SLC44A5: variants seen among roughly 807,000 people sequenced by gnomAD.
SLC44A5 encodes the protein choline transporter-like protein 5.
In SLC44A5, 57 loss-of-function variants were observed where a neutral mutation model predicts 101.8. The ratio of observed to expected loss-of-function variants is 0.56; its 90% CI spans 0.45 to 0.70. The LOEUF (loss-of-function observed/expected upper bound fraction) is 0.70, where lower values mean the gene tolerates loss of function less well. SLC44A5 is among the 30% of genes least tolerant of loss of function. SLC44A5 has a pLI of 0.00. For synonymous variants in SLC44A5, 281 were observed against 290.9 expected (o/e 0.97, Z 0.35); for missense variants, 737 against 853.1 (o/e 0.86, Z 1.70).
At chr1:75,560,579 G>C (rs1296747392) in intron 1 of SLC44A5, among the ~76,000 whole-genome samples, 1 of 152,110 alleles carries the variant, frequency 6.6e-6, no homozygotes, top group Admixed American at 6.6e-5. Context: ...TAGTTGACTG[G>C]TATAGCATGG....
intron 6 of SLC44A5, among the ~76,000 whole-genome samples, chr1:75,266,586 C>T (rs1651011721): frequency 6.6e-6 from 1 of 152,074 alleles, no homozygotes; most frequent in South Asian, 2.1e-4. Context: ...TCTAAATTTC[C>T]AAATAATAGT....
At chr1:75,613,822 C>A (rs2102192500), upstream of SLC44A5, among the ~76,000 whole-genome samples, 1 of 152,228 alleles carries the variant, frequency 6.6e-6, no homozygotes, top group Admixed American at 6.5e-5. Context: ...ACCTACAAAA[C>A]AAAAACTTTT....
the SLC44A5 span, among the ~76,000 whole-genome samples, chr1:75,720,638 C>A: frequency 6.6e-6 from 1 of 152,128 alleles, no homozygotes; most frequent in African/African-American, 2.4e-5. Context: ...AACAAAGAGT[C>A]AAACTTTGTA....
chr1:75,474,517 T>G (rs1667280170), intron 2 of SLC44A5, among the ~76,000 whole-genome samples: 1 of 152,218 alleles, frequency 6.6e-6, no homozygotes. Flanking sequence ...GTGGAGTTAT[T>G]GTCATTCATA....
the SLC44A5 span, among the ~76,000 whole-genome samples, chr1:75,674,772 G>A: frequency 1.3e-5 from 2 of 152,198 alleles, no homozygotes; most frequent in Non-Finnish European, 2.9e-5. Context: ...GCCTTAAAGA[G>A]GAGATAGAGA....
chr1:75,661,890 G>T, the SLC44A5 span, among the ~76,000 whole-genome samples: 1 of 151,946 alleles, frequency 6.6e-6, no homozygotes, highest in Non-Finnish European at 1.5e-5. Flanking sequence ...GCTCGTGCAT[G>T]GTTGGTAGAA....
chr1:75,689,191 A>C, the SLC44A5 span, among the ~76,000 whole-genome samples: 1 of 152,216 alleles, frequency 6.6e-6, no homozygotes, highest in East Asian at 1.9e-4. Flanking sequence ...ACCTAGAGCT[A>C]GAAAATTGAG....
chr1:75,677,291 T>C, the SLC44A5 span, among the ~76,000 whole-genome samples: 4 of 152,116 alleles, frequency 2.6e-5, no homozygotes, highest in Non-Finnish European at 4.4e-5. Context: ...ACAAAAACTT[T>C]TCAAGACATA....
chr1:75,219,372 A>G (rs1304239328), intron 15 of SLC44A5, 28 bp from the exon 16 acceptor site: 13 of 1,452,442 alleles, frequency 9.0e-6, no homozygotes, highest in Non-Finnish European at 1.3e-5. Flanking sequence ...AGGATAAACC[A>G]TTTGCTGGTA....
At chr1:75,302,121 T>TTTTTG (rs1557640380) in intron 4 of SLC44A5, among the ~76,000 whole-genome samples, 1 of 138,758 alleles carries the variant, frequency 7.2e-6, no homozygotes, top group African/African-American at 2.7e-5. Flanking sequence ...TGTTTTTTTT[T>TTTTTG]TTTTTTTTTT....
At chr1:75,578,978 C>T (rs928214736) in intron 1 of SLC44A5, among the ~76,000 whole-genome samples, 4 of 151,948 alleles carry the variant, frequency 2.6e-5, no homozygotes, top group African/African-American at 7.3e-5. Context: ...ACATAATCTA[C>T]CATATGTACT....
chr1:75,706,971 T>C, the SLC44A5 span, among the ~76,000 whole-genome samples: 1 of 152,150 alleles, frequency 6.6e-6, no homozygotes, highest in African/African-American at 2.4e-5. Context: ...CTAAGACCCA[T>C]TAAAGAAACT....
At chr1:75,266,401 C>T (rs1340415742) in intron 6 of SLC44A5, among the ~76,000 whole-genome samples, 2 of 151,144 alleles carry the variant, frequency 1.3e-5, no homozygotes, top group Non-Finnish European at 2.9e-5. Flanking sequence ...ACAAGCTATG[C>T]TATGTTTAAG....
intron 2 of SLC44A5, among the ~76,000 whole-genome samples, chr1:75,489,250 A>T (rs950611020): frequency 2.6e-4 from 39 of 151,950 alleles, no homozygotes; most frequent in Non-Finnish European, 4.4e-4. Flanking sequence ...TAAAAAAAAC[A>T]TAAATTCATG....
At chr1:75,614,991 C>T (rs1006346077), upstream of SLC44A5, among the ~76,000 whole-genome samples, 4 of 152,070 alleles carry the variant, frequency 2.6e-5, no homozygotes, top group Non-Finnish European at 2.9e-5. Context: ...CCCCGCGCGC[C>T]GGCTCTGCGA....
chr1:75,701,054 T>A, the SLC44A5 span, among the ~76,000 whole-genome samples: 2 of 152,188 alleles, frequency 1.3e-5, no homozygotes, highest in Admixed American at 6.5e-5. Flanking sequence ...CCAGATGGAT[T>A]CACAGCCAAA....
chr1:75,233,900 C>T (rs531384379), intron 12 of SLC44A5, 86 bp downstream of exon 12: 1 of 1,016,732 alleles, frequency 9.8e-7, no homozygotes, highest in East Asian at 2.5e-5. Context: ...CCACTGAAAA[C>T]AAATGCTTTC....
At chr1:75,272,095 T>C (rs897880383) in intron 6 of SLC44A5, among the ~76,000 whole-genome samples, 1 of 152,138 alleles carries the variant, frequency 6.6e-6, no homozygotes, top group African/African-American at 2.4e-5. Flanking sequence ...ATATGTTTGT[T>C]GGCTATTTGT....
chr1:75,247,637 C>A (rs1649222530), intron 7 of SLC44A5, among the ~76,000 whole-genome samples: 1 of 151,924 alleles, frequency 6.6e-6, no homozygotes. Flanking sequence ...TAAGATAACT[C>A]ATCAAAGGAG....
Sources: allele counts gnomAD v4.1 joint callset (sites outside exome capture counted in the v4.1 genomes callset), GRCh38; gene constraint gnomAD v4.1.1; transcripts MANE v1.5; gene names NCBI Gene and HGNC (gene_info 2026-07-23, HGNC 2026-07-21).